Variants in RSPO2 observed in about 807,000 individuals in gnomAD.
RSPO2 encodes the protein R-spondin-2.
Under a neutral mutation model 30.9 loss-of-function variants are expected in RSPO2, and 14 were observed. The observed-to-expected ratio is 0.45, with a 90% CI of 0.30 to 0.71. The LOEUF (loss-of-function observed/expected upper bound fraction) is 0.71. RSPO2 is among the 30% of genes least tolerant of loss of function. The pLI, the probability that RSPO2 is intolerant of heterozygous loss-of-function variation, is 0.08. For missense variants in RSPO2, 264 were observed against 301.9 expected (o/e 0.87, Z 0.93); for synonymous variants, 107 against 96.4 (o/e 1.11, Z -0.64).
intron 5 of RSPO2, among the ~76,000 whole-genome samples, chr8:107,948,083 A>G (rs75482530): frequency 0.14 from 21,066 of 152,288 alleles, 1,641 homozygotes; most frequent in Middle Eastern, 0.32. Flanking sequence ...TTTGTTCTAT[A>G]GTATCAGAGC....
chr8:108,081,476 T>C (rs1395303975), intron 2 of RSPO2, among the ~76,000 whole-genome samples: 1 of 152,106 alleles, frequency 6.6e-6, no homozygotes, highest in Non-Finnish European at 1.5e-5. Context: ...CCGAATGAAA[T>C]AGACAGCTCT....
At chr8:107,979,546 G>C (rs10097071) in intron 3 of RSPO2, among the ~76,000 whole-genome samples, 7,216 of 152,198 alleles carry the variant, frequency 0.047, 312 homozygotes, top group African/African-American at 0.11. Flanking sequence ...TAGCGGGAAG[G>C]GGGAGGGATA....
rs373593870 is a variant in RSPO2, at chr8:108,004,940, T to C, written c.95-15696A>G. On this transcript the variant is annotated intron_variant, in intron 2 of 5. Coordinates refer to ENST00000276659, the MANE Select transcript of RSPO2 (RefSeq NM_178565.5). ...AATGTCCTTTATAGTTCTTTATTTT[T>C]TTCCTAGATTAGAATCCCTTTTAAG... Among the ~76,000 whole-genome samples the C allele has an allele frequency of 2.0e-5, 3 of 152,326 alleles. No individual in the cohort carries two copies. The East Asian group carries it at 5.8e-4, about 29-fold the overall frequency.
At chr8:107,927,037 G>A (rs1320292065) in intron 5 of RSPO2, among the ~76,000 whole-genome samples, 1 of 152,122 alleles carries the variant, frequency 6.6e-6, no homozygotes, top group Non-Finnish European at 1.5e-5. Context: ...AGCATGGAAT[G>A]TTCTTCCATT....
intron 5 of RSPO2, among the ~76,000 whole-genome samples, chr8:107,928,058 G>T (rs563721742): frequency 6.6e-6 from 1 of 152,194 alleles, no homozygotes; most frequent in South Asian, 2.1e-4. Flanking sequence ...CTATATATAT[G>T]CCTTAAAATA....
intron 2 of RSPO2, among the ~76,000 whole-genome samples, chr8:108,000,755 A>C (rs1033101608): frequency 6.6e-6 from 1 of 152,110 alleles, no homozygotes; most frequent in Non-Finnish European, 1.5e-5. Flanking sequence ...TAATCCCAGC[A>C]CTTTGGGAGG....
chr8:108,079,761 C>A (rs951185940), intron 2 of RSPO2, among the ~76,000 whole-genome samples: 5 of 151,662 alleles, frequency 3.3e-5, no homozygotes, highest in African/African-American at 4.8e-5. Context: ...CCACTGCCAC[C>A]TACTTGTAGC....
At chr8:107,951,292 T>C (rs1402900237) in intron 5 of RSPO2, among the ~76,000 whole-genome samples, 1 of 152,070 alleles carries the variant, frequency 6.6e-6, no homozygotes, top group South Asian at 2.1e-4. Flanking sequence ...GACCTCAGGA[T>C]CTTCCTGCCT....
Position 107,919,513 on chromosome 8 carries a change from T to C in RSPO2, c.617-18323A>G, listed in dbSNP as rs147219320. 5.7e-3 allele frequency among the ~76,000 whole-genome samples: 866 copies of C among 152,310 alleles called. 6 individuals carry two copies. The highest frequency in any genetic ancestry group is 0.02 in the African/African-American group (828 of 41,572). ...AATTATGATTTAGGAGTCATGCAGC[T>C]GGAAGCTACAAGATTCTGACCCTCT... On this transcript the variant is annotated intron_variant, in intron 5 of 5. Coordinates refer to ENST00000276659, the MANE Select transcript of RSPO2 (RefSeq NM_178565.5).
rs1811412345 is a variant in RSPO2 at position 107,900,324 on chromosome 8, A to G, written c.*751T>C. 6.6e-6 allele frequency: 1 copy of G among 152,196 alleles called. No individual in the cohort carries two copies. The highest frequency in any genetic ancestry group is 2.4e-5 in the African/African-American group (1 of 41,440). The allele number at this position is 152,196 out of a possible 1,614,324, so 9.4% of individuals were successfully genotyped here. A position where few individuals can be genotyped will look rare whatever the true frequency, so the allele number is the denominator to read the frequency against. Reference sequence around the variant, plus strand: ...TTATCCTACCCTTACAATGAGAAATAAGCCCACAATGAGGGGAAAAAAAAA... The same window carrying G: ...TTATCCTACCCTTACAATGAGAAATGAGCCCACAATGAGGGGAAAAAAAAA... On this transcript the variant is annotated 3_prime_UTR_variant, in exon 6 of 6. Coordinates refer to ENST00000276659, the MANE Select transcript of RSPO2 (RefSeq NM_178565.5).
intron 5 of RSPO2, among the ~76,000 whole-genome samples, chr8:107,944,032 G>A (rs1290267050): frequency 1.3e-5 from 2 of 152,106 alleles, no homozygotes; most frequent in Non-Finnish European, 2.9e-5. Context: ...CAAGAAAGAG[G>A]TATAAGCACT....
At chr8:107,936,994 G>A (rs1177210944) in intron 5 of RSPO2, among the ~76,000 whole-genome samples, 2 of 151,976 alleles carry the variant, frequency 1.3e-5, no homozygotes, top group Non-Finnish European at 2.9e-5. Context: ...TTGGTTTAAC[G>A]TAGTCCCGTT....
At chr8:108,001,771 A>G (rs1586616956) in intron 2 of RSPO2, among the ~76,000 whole-genome samples, 1 of 152,170 alleles carries the variant, frequency 6.6e-6, no homozygotes, top group African/African-American at 2.4e-5. Context: ...ATTGTACTCC[A>G]TAAATTTCTT....
At chr8:107,948,263 C>T (rs978608667) in intron 5 of RSPO2, among the ~76,000 whole-genome samples, 1 of 152,158 alleles carries the variant, frequency 6.6e-6, no homozygotes, top group African/African-American at 2.4e-5. Context: ...GTAATGGATG[C>T]TTAATTGATT....
Position 108,082,615 on chromosome 8 carries a change from A to G in RSPO2, c.24T>C (p.Phe8=). The G allele has an allele frequency of 6.2e-7, 1 of 1,614,142 alleles. No individual in the cohort carries two copies. Among genetic ancestry groups the G allele is most frequent in the Non-Finnish European group, 8.5e-7 (1 of 1,180,002 alleles). MQFRLFS[F]ALIILNCMDY... ...CCATGCAGTTCAGAATGATGAGGGC[A>G]AAGGAGAAAAGGCGAAACTGCATCT... is the stretch of plus-strand genomic sequence containing the variant. The change falls in exon 2 of 6, where the codon TTT becomes TTC. Residue 8 remains phenylalanine (F), a synonymous_variant. Transcript: ENST00000276659.
intron 5 of RSPO2, among the ~76,000 whole-genome samples, chr8:107,950,212 T>C (rs1813197534): frequency 6.6e-6 from 1 of 152,176 alleles, no homozygotes; most frequent in African/African-American, 2.4e-5. Flanking sequence ...ACATGTACCA[T>C]ACATGTGTGT....
chr8:107,962,112 C>T (rs746849688), intron 3 of RSPO2, among the ~76,000 whole-genome samples: 1 of 152,124 alleles, frequency 6.6e-6, no homozygotes, highest in Non-Finnish European at 1.5e-5. Context: ...TCTGTGACAT[C>T]ACATGTATTC....
In RSPO2 at chr8:107,950,873, C is replaced by T. The variant is rs183903253; in HGVS notation, c.616+7207G>A. Among the ~76,000 whole-genome samples the T allele has an allele frequency of 9.3e-4, 141 of 151,630 alleles. 1 individual carries two copies. Among genetic ancestry groups the T allele is most frequent in the Admixed American group, 8.5e-4 (13 of 15,208 alleles). ...TAGTAAAATTCTGTTTTTCTTTTCACTAAAATGTTTGTCTTCTGATAGTGA... is the reference window on the plus strand; with the variant it reads ...TAGTAAAATTCTGTTTTTCTTTTCATTAAAATGTTTGTCTTCTGATAGTGA... On this transcript the variant is annotated intron_variant, in intron 5 of 5. Transcript: ENST00000276659.
intron 5 of RSPO2, among the ~76,000 whole-genome samples, chr8:107,922,062 A>T (rs1812191854): frequency 6.6e-6 from 1 of 152,172 alleles, no homozygotes. Context: ...GTCCTCTCTC[A>T]CCACTTTTAT....
Sources: gnomAD v4.1 joint callset for allele counts (sites outside exome capture counted in the v4.1 genomes callset) on GRCh38, gnomAD v4.1.1 for gene constraint, MANE v1.5 for transcripts, NCBI Gene and HGNC (gene_info 2026-07-23, HGNC 2026-07-21) for gene names.